S100A8: variants seen among roughly 807,000 people sequenced by gnomAD.
S100A8 encodes S100 calcium binding protein A8, also known as protein S100-A8.
S100A8 carries 1 observed loss-of-function variant against 4.2 expected under a neutral mutation model. The observed-to-expected ratio is 0.24, with a 90% confidence interval of 0.08 to 1.12. The LOEUF is 1.12. Among genes scored for constraint, S100A8 ranks in the 50% most tolerant of loss-of-function variants. The pLI is 0.53. For missense variants in S100A8, 96 were observed against 111.8 expected, an observed-to-expected ratio of 0.86 and a Z score of 0.64; for synonymous variants, 41 against 44.7, an observed-to-expected ratio of 0.92 and a Z score of 0.33.
At chr1:153,418,253 G>A in the S100A8 span, 3 of 1,606,050 alleles carry the variant, frequency 1.9e-6, no homozygotes, top group East Asian at 2.2e-5. Context: ...CTCAATGTTG[G>A]TTGGACCCTG....
the S100A8 span, among the ~76,000 whole-genome samples, chr1:153,402,598 G>A: frequency 6.6e-6 from 1 of 152,136 alleles, no homozygotes; most frequent in Non-Finnish European, 1.5e-5. Flanking sequence ...TGCAAAATTT[G>A]GACTTTAAGC....
chr1:153,414,287 C>T, the S100A8 span, among the ~76,000 whole-genome samples: 1 of 152,138 alleles, frequency 6.6e-6, no homozygotes, highest in Non-Finnish European at 1.5e-5. Flanking sequence ...AACATTTCTG[C>T]TTTGTGAAAG....
upstream of S100A8, chr1:153,391,304 AG>A: frequency 3.2e-6 from 2 of 621,338 alleles, no homozygotes; most frequent in Non-Finnish European, 4.0e-6. Context: ...AAAAGCAGGT[AG>A]GGGGGCTCTT....
the S100A8 span, among the ~76,000 whole-genome samples, chr1:153,407,911 C>G: frequency 1.3e-5 from 2 of 152,224 alleles, no homozygotes; most frequent in Non-Finnish European, 2.9e-5. Flanking sequence ...AGGGTCCTGA[C>G]TGTTAGAAGG....
chr1:153,390,788 C>T lies in S100A8; in HGVS notation c.-22-231G>A, dbSNP rs866120984. On this transcript the variant is annotated intron_variant, in intron 1 of 2. Coordinates refer to ENST00000368733, the MANE Select transcript of S100A8 (RefSeq NM_002964.5). ...GAGACATGTGCACACACACGGGGCCCGTAGACTTTCCTTACCACCCCACCC... is the reference window on the plus strand; with the variant it reads ...GAGACATGTGCACACACACGGGGCCTGTAGACTTTCCTTACCACCCCACCC... 63 of 569,424 alleles carry T rather than the reference C, an allele frequency of 1.1e-4. No individual in the cohort carries two copies. The Middle Eastern group carries it at 1.4e-3, about 13-fold the overall frequency. 35.3% of individuals were successfully genotyped at this position (569,424 alleles called of 1,614,324 possible).
the S100A8 span, chr1:153,396,850 G>A: frequency 6.6e-6 from 1 of 152,334 alleles, no homozygotes; most frequent in Non-Finnish European, 1.5e-5. Context: ...GGGAGGGGAT[G>A]GGGTAACTGT....
At chr1:153,394,450 T>C (rs1014964907), upstream of S100A8, among the ~76,000 whole-genome samples, 13 of 152,100 alleles carry the variant, frequency 8.5e-5, no homozygotes, top group Admixed American at 2.6e-4. Context: ...GGAGCACAGA[T>C]CTAGGTCATC....
chr1:153,412,644 A>G, the S100A8 span, among the ~76,000 whole-genome samples: 4 of 152,250 alleles, frequency 2.6e-5, no homozygotes, highest in African/African-American at 9.6e-5. Context: ...GTATATACCC[A>G]AGGGATTATA....
the S100A8 span, chr1:153,417,937 A>AT: frequency 8.0e-7 from 1 of 1,246,576 alleles, no homozygotes. Context: ...ATCACATTTA[A>AT]AAAAATCAAG....
the S100A8 span, among the ~76,000 whole-genome samples, chr1:153,408,317 C>A: frequency 6.6e-6 from 1 of 152,140 alleles, no homozygotes; most frequent in Non-Finnish European, 1.5e-5. Context: ...GGCACGAGAA[C>A]TACATGACTC....
the S100A8 span, among the ~76,000 whole-genome samples, chr1:153,412,593 A>G: frequency 6.6e-6 from 1 of 152,212 alleles, no homozygotes; most frequent in Non-Finnish European, 1.5e-5. Context: ...AGGATCTAGA[A>G]CTAGAAATAC....
the S100A8 span, chr1:153,416,550 A>G: frequency 2.0e-5 from 10 of 489,190 alleles, 2 homozygotes; most frequent in African/African-American, 4.0e-5. Flanking sequence ...TACTCGTGAC[A>G]CTTCCCAGTT....
chr1:153,417,429 G>C, the S100A8 span, among the ~76,000 whole-genome samples: 2 of 152,126 alleles, frequency 1.3e-5, no homozygotes, highest in Non-Finnish European at 2.9e-5. Flanking sequence ...TTGTAACAGA[G>C]GCAATTCTTG....
At chr1:153,405,082 G>A in the S100A8 span, among the ~76,000 whole-genome samples, 2 of 151,808 alleles carry the variant, frequency 1.3e-5, no homozygotes, top group African/African-American at 4.8e-5. Flanking sequence ...CCTTCCTGGA[G>A]TCCCCCCCAC....
At chr1:153,399,048 C>T in the S100A8 span, among the ~76,000 whole-genome samples, 3 of 152,190 alleles carry the variant, frequency 2.0e-5, no homozygotes, top group African/African-American at 7.2e-5. Context: ...AACACAAACC[C>T]TCACCCCCAC....
At chr1:153,397,299 T>C in the S100A8 span, among the ~76,000 whole-genome samples, 1 of 152,080 alleles carries the variant, frequency 6.6e-6, no homozygotes, top group Non-Finnish European at 1.5e-5. Flanking sequence ...TGCATGCCTG[T>C]GCATTTGCCT....
chr1:153,416,931 G>C, the S100A8 span, among the ~76,000 whole-genome samples: 1 of 152,238 alleles, frequency 6.6e-6, no homozygotes, highest in Admixed American at 6.5e-5. Flanking sequence ...CACAGAGGGA[G>C]GAGGGATAAG....
the S100A8 span, chr1:153,422,218 C>G: frequency 2.0e-5 from 3 of 152,274 alleles, no homozygotes; most frequent in Admixed American, 2.0e-4. Context: ...CAGACCATCT[C>G]CGCAACCACA....
the S100A8 span, chr1:153,418,289 T>C: frequency 1.2e-6 from 2 of 1,604,184 alleles, no homozygotes; most frequent in Non-Finnish European, 1.7e-6. Context: ...CATTTTGCTA[T>C]GTGGCCTTGG....
Sources: allele counts gnomAD v4.1 joint callset (sites outside exome capture counted in the v4.1 genomes callset), GRCh38; gene constraint gnomAD v4.1.1; transcripts MANE v1.5; gene names NCBI Gene and HGNC (gene_info 2026-07-23, HGNC 2026-07-21).